The following STPG2 variants were observed in gnomAD, a reference collection of about 807,000 sequenced individuals.
STPG2 encodes sperm tail PG-rich repeat containing 2, also known as sperm-tail PG-rich repeat-containing protein 2.
A neutral mutation model predicts 54.2 loss-of-function variants in STPG2; 56 were observed. That is an observed-to-expected ratio of 1.03 (90% CI 0.83 to 1.29). STPG2 has a LOEUF of 1.29. STPG2 is among the 50% of genes most tolerant of loss of function. STPG2 has a pLI of 0.00. For missense variants in STPG2, 596 were observed against 544.9 expected, an observed-to-expected ratio of 1.09 and a Z score of -0.93; for synonymous variants, 200 against 181.8, an observed-to-expected ratio of 1.10 and a Z score of -0.81.
At chr4:97,835,142 G>A (rs1349830911) in intron 9 of STPG2, among the ~76,000 whole-genome samples, 1 of 152,056 alleles carries the variant, frequency 6.6e-6, no homozygotes, top group Non-Finnish European at 1.5e-5. Context: ...TAAAGACCTT[G>A]CTGATAAAAC....
intron 9 of STPG2, among the ~76,000 whole-genome samples, chr4:97,776,296 T>C (rs1311473889): frequency 6.6e-6 from 1 of 152,190 alleles, no homozygotes; most frequent in African/African-American, 2.4e-5. Flanking sequence ...GATGACAATA[T>C]TGAATAACAA....
intron 9 of STPG2, among the ~76,000 whole-genome samples, chr4:97,742,602 A>T (rs1725295215): frequency 6.7e-6 from 1 of 150,228 alleles, no homozygotes; most frequent in South Asian, 2.1e-4. Context: ...GTCTTTAAAA[A>T]GATCTTACCT....
intron 4 of STPG2, among the ~76,000 whole-genome samples, chr4:97,532,641 G>A (rs1400456381): frequency 6.6e-6 from 1 of 152,144 alleles, no homozygotes; most frequent in African/African-American, 2.4e-5. Flanking sequence ...GGTTCAGGAG[G>A]AAAATGGAAA....
intron 10 of STPG2, among the ~76,000 whole-genome samples, chr4:97,703,589 ATATAC>A (rs903037416): frequency 9.6e-5 from 8 of 82,948 alleles, no homozygotes; most frequent in South Asian, 4.5e-4. Flanking sequence ...TATAGTATAT[ATATAC>A]TATAAGTAGT....
chr4:97,678,627 A>ATTT, intron 10 of STPG2, among the ~76,000 whole-genome samples: 1 of 151,198 alleles, frequency 6.6e-6, no homozygotes, highest in East Asian at 1.9e-4. Flanking sequence ...CTTTTATTTT[A>ATTT]TTTTATTATT....
intron 10 of STPG2, among the ~76,000 whole-genome samples, chr4:97,677,632 T>C (rs1722891158): frequency 6.6e-6 from 1 of 152,224 alleles, no homozygotes; most frequent in Non-Finnish European, 1.5e-5. Context: ...TTGGGATTAT[T>C]TCCTTCAAAA....
chr4:97,573,065 A>G (rs1732639721), intron 10 of STPG2, among the ~76,000 whole-genome samples: 1 of 152,070 alleles, frequency 6.6e-6, no homozygotes, highest in Non-Finnish European at 1.5e-5. Flanking sequence ...CAGTGGCTTA[A>G]TAAAAATGCC....
chr4:97,695,487 T>C (rs1256152020), intron 10 of STPG2, among the ~76,000 whole-genome samples: 2 of 152,190 alleles, frequency 1.3e-5, no homozygotes, highest in African/African-American at 2.4e-5. Flanking sequence ...CTGGAAGTCC[T>C]AGTCAGAGTA....
intron 6 of STPG2, among the ~76,000 whole-genome samples, chr4:97,977,005 A>G (rs981262182): frequency 6.6e-6 from 1 of 152,160 alleles, no homozygotes; most frequent in African/African-American, 2.4e-5. Flanking sequence ...GCCTTAAAGG[A>G]TTGTGCTTAT....
intron 10 of STPG2, among the ~76,000 whole-genome samples, chr4:97,627,810 C>T (rs908557454): frequency 6.6e-6 from 1 of 152,066 alleles, no homozygotes; most frequent in East Asian, 1.9e-4. Context: ...CCATGATCTG[C>T]TGTCTGCAAC....
chr4:97,874,476 C>A (rs1046501060), intron 8 of STPG2, among the ~76,000 whole-genome samples: 6 of 151,710 alleles, frequency 4.0e-5, no homozygotes, highest in Non-Finnish European at 7.4e-5. Context: ...ATTTTCACCC[C>A]TTTTAATAAA....
chr4:97,755,672 AGC>A (rs1725705053), intron 9 of STPG2, among the ~76,000 whole-genome samples: 1 of 152,204 alleles, frequency 6.6e-6, no homozygotes, highest in African/African-American at 2.4e-5. Flanking sequence ...TAAAGAAATG[AGC>A]TAAACCTTTA....
At chr4:97,761,323 AC>A (rs1725881999) in intron 9 of STPG2, among the ~76,000 whole-genome samples, 1 of 152,190 alleles carries the variant, frequency 6.6e-6, no homozygotes, top group South Asian at 2.1e-4. Context: ...AAAAGAAGAC[AC>A]AGAGAAAGGA....
At chr4:98,107,775 C>T (rs556279351) in intron 4 of STPG2, among the ~76,000 whole-genome samples, 8 of 123,122 alleles carry the variant, frequency 6.5e-5, no homozygotes, top group South Asian at 5.5e-4. Context: ...GAAAGAGAGA[C>T]GGTGAGAGAG....
At chr4:97,937,454 A>C (rs1266015228) in intron 8 of STPG2, among the ~76,000 whole-genome samples, 3 of 152,140 alleles carry the variant, frequency 2.0e-5, no homozygotes, top group South Asian at 2.1e-4. Flanking sequence ...CGAGGAGAAG[A>C]AGCACTCTGT....
intron 9 of STPG2, among the ~76,000 whole-genome samples, chr4:97,772,400 G>T (rs897922143): frequency 3.3e-5 from 5 of 152,112 alleles, no homozygotes; most frequent in Non-Finnish European, 4.4e-5. Flanking sequence ...ATTAAGAACT[G>T]TCAGTTTTTA....
chr4:97,856,617 T>C (rs1243362621), intron 8 of STPG2, among the ~76,000 whole-genome samples: 2 of 152,224 alleles, frequency 1.3e-5, no homozygotes, highest in African/African-American at 2.4e-5. Flanking sequence ...CATGGTAATT[T>C]GACTTCCTCT....
chr4:97,865,539 A>T (rs1306260985), intron 8 of STPG2, among the ~76,000 whole-genome samples: 1 of 152,164 alleles, frequency 6.6e-6, no homozygotes, highest in Non-Finnish European at 1.5e-5. Context: ...GCAATTCCTT[A>T]GGTATCTAGA....
intron 10 of STPG2, among the ~76,000 whole-genome samples, chr4:97,674,529 C>A (rs972387749): frequency 1.3e-5 from 2 of 152,092 alleles, no homozygotes; most frequent in African/African-American, 4.8e-5. Context: ...TTTTTCCTCA[C>A]TGTTAAACAG....
Sources: gnomAD v4.1 joint callset for allele counts (sites outside exome capture counted in the v4.1 genomes callset) on GRCh38, gnomAD v4.1.1 for gene constraint, MANE v1.5 for transcripts, NCBI Gene and HGNC (gene_info 2026-07-23, HGNC 2026-07-21) for gene names.